The following SLC17A6 variants were observed in gnomAD, a reference collection of about 807,000 sequenced individuals.
SLC17A6 encodes the protein vesicular glutamate transporter 2.
In SLC17A6, 35 loss-of-function variants were observed where a neutral mutation model predicts 67.1. That is an observed-to-expected ratio of 0.52 (90% CI 0.40 to 0.69). The LOEUF (loss-of-function observed/expected upper bound fraction) is 0.69. Among genes scored for constraint, SLC17A6 ranks in the 30% least tolerant of loss-of-function variants. The probability of loss-of-function intolerance (pLI) is 0.00; values close to 1 mark genes in which losing one functional copy is unlikely to be tolerated. For missense variants in SLC17A6, 588 were observed against 723.9 expected, an observed-to-expected ratio of 0.81 and a Z score of 2.15; for synonymous variants, 285 against 252.3, an observed-to-expected ratio of 1.13 and a Z score of -1.23.
At chr11:22,375,862 G>A in intron 9 of SLC17A6, 120 bp from the exon 10 acceptor site, 1 of 579,858 alleles carries the variant, frequency 1.7e-6, no homozygotes. Context: ...TATTAGTTTT[G>A]AAGATAGACT....
intron 5 of SLC17A6, chr11:22,362,179 A>G: frequency 2.7e-6 from 1 of 369,998 alleles, no homozygotes; most frequent in Non-Finnish European, 5.3e-6. Flanking sequence ...CAGCAAAGAA[A>G]ACAAATTTGC....
intron 3 of SLC17A6, among the ~76,000 whole-genome samples, chr11:22,349,903 A>G (rs1306508396): frequency 1.3e-5 from 2 of 152,210 alleles, no homozygotes; most frequent in Non-Finnish European, 2.9e-5. Flanking sequence ...CCTCCAGGAA[A>G]GAATTAGTTC....
intron 1 of SLC17A6, among the ~76,000 whole-genome samples, chr11:22,339,588 C>T (rs1345616001): frequency 6.6e-6 from 1 of 151,866 alleles, no homozygotes. Context: ...ATAATTAGAG[C>T]AAAATCAAGA....
At chr11:22,363,909 G>A (rs1287528103) in intron 6 of SLC17A6, among the ~76,000 whole-genome samples, 1 of 152,134 alleles carries the variant, frequency 6.6e-6, no homozygotes, top group East Asian at 1.9e-4. Context: ...GTACAAGTTG[G>A]TATGGCTATC....
At chr11:22,340,311 G>A (rs1855800988) in intron 1 of SLC17A6, among the ~76,000 whole-genome samples, 1 of 152,202 alleles carries the variant, frequency 6.6e-6, no homozygotes, top group East Asian at 1.9e-4. Flanking sequence ...AAGGGGCTAC[G>A]TACAGAGATG....
chr11:22,343,944 G>T (rs1855848358), intron 3 of SLC17A6, among the ~76,000 whole-genome samples: 1 of 152,134 alleles, frequency 6.6e-6, no homozygotes. Context: ...GCTGCTTTCA[G>T]TGGCCTCCTG....
rs748904270 is a variant in SLC17A6 at position 22,365,645 on chromosome 11, G to T, written c.847G>T (p.Glu283Ter). ...TACAGATGAAGAACGTAGGTACATA[G>T]AAGAAAGCATTGGAGAGAGTGCAAA... Reference protein sequence around the residue: ...TITDEERRYIEESIGESANLL... With the variant: ...TITDEERRYI Residue 283 changes from glutamate to a stop codon, truncating the protein, a stop_gained, in exon 7 of 12, where the codon GAA (glutamate) becomes TAA (stop). Coordinates refer to ENST00000263160, the MANE Select transcript of SLC17A6 (RefSeq NM_020346.3). LOFTEE classifies it high-confidence loss of function. 6.2e-7 allele frequency: 1 copy of T among 1,613,886 alleles called. No homozygotes were observed. The highest frequency in any genetic ancestry group is 2.2e-5 in the East Asian group (1 of 44,846).
At chr11:22,366,295 G>T (rs1019856577) in intron 7 of SLC17A6, among the ~76,000 whole-genome samples, 2 of 151,528 alleles carry the variant, frequency 1.3e-5, no homozygotes, top group African/African-American at 4.9e-5. Context: ...ATATCTTATT[G>T]TACTGTACAA....
At chr11:22,357,382 A>C (rs1856003193) in intron 3 of SLC17A6, among the ~76,000 whole-genome samples, 1 of 152,208 alleles carries the variant, frequency 6.6e-6, no homozygotes. Flanking sequence ...TACTTGATTC[A>C]GCTTTACTAA....
chr11:22,353,347 C>CAAAA (rs1472607169), intron 3 of SLC17A6, among the ~76,000 whole-genome samples: 1 of 148,840 alleles, frequency 6.7e-6, no homozygotes, highest in Non-Finnish European at 1.5e-5. Context: ...ACAGTGTAAC[C>CAAAA]AAAACAAAAC....
At chr11:22,344,414 C>A (rs1303935522) in intron 3 of SLC17A6, among the ~76,000 whole-genome samples, 11 of 152,168 alleles carry the variant, frequency 7.2e-5, no homozygotes, top group African/African-American at 2.7e-4. Flanking sequence ...TTGTCAATTA[C>A]TATCCCTTTC....
chr11:22,345,590 T>C (rs916304390), intron 3 of SLC17A6, among the ~76,000 whole-genome samples: 5 of 152,172 alleles, frequency 3.3e-5, no homozygotes, highest in Non-Finnish European at 1.5e-5. Context: ...ATATGATATG[T>C]TATGTTCTAT....
chr11:22,351,128 C>T (rs1056364541), intron 3 of SLC17A6, among the ~76,000 whole-genome samples: 6 of 151,808 alleles, frequency 4.0e-5, no homozygotes, highest in East Asian at 1.9e-4. Context: ...TTTTACATTT[C>T]GGGAGGCAGG....
At chr11:22,376,434 C>T in intron 10 of SLC17A6, 111 bp from the exon 11 acceptor site, 2 of 1,157,996 alleles carry the variant, frequency 1.7e-6, no homozygotes, top group South Asian at 1.5e-5. Flanking sequence ...AGTAATTAAG[C>T]ACGTGTTCTG....
rs139615531 is a variant in SLC17A6 at position 22,369,235 on chromosome 11, A to G, written c.892-804A>G. 4.5e-3 allele frequency among the ~76,000 whole-genome samples: 680 copies of G among 152,102 alleles called. 1 individual carries two copies. The highest frequency in any genetic ancestry group is 7.9e-3 in the Non-Finnish European group (537 of 67,878). ...TGGCTAAAAATATTAGTCTTGGGGG[A>G]GAATATGTACTTGCTTACATTTTGG... On this transcript the variant is annotated intron_variant, in intron 7 of 11. Coordinates refer to ENST00000263160, the MANE Select transcript of SLC17A6 (RefSeq NM_020346.3).
chr11:22,347,288 G>A (rs1193009196), intron 3 of SLC17A6, among the ~76,000 whole-genome samples: 2 of 151,858 alleles, frequency 1.3e-5, no homozygotes, highest in Non-Finnish European at 2.9e-5. Context: ...CCAAACTGTA[G>A]GTTCAGGCTC....
At chr11:22,341,460 G>A in intron 1 of SLC17A6, 68 bp from the exon 2 acceptor site, 2 of 1,561,340 alleles carry the variant, frequency 1.3e-6, no homozygotes, top group Middle Eastern at 2.0e-4. Context: ...CCTGAAAAAT[G>A]GGAATGGGTC....
chr11:22,373,326 A>T (rs374407448), intron 8 of SLC17A6, among the ~76,000 whole-genome samples: 147 of 152,304 alleles, frequency 9.7e-4, no homozygotes, highest in African/African-American at 3.4e-3. Flanking sequence ...AAATCCTAAC[A>T]TAGTGTCTTT....
chr11:22,377,887 G>T lies in SLC17A6; in HGVS notation c.*147G>T. Reference sequence around the variant, plus strand: ...AAATGAAAACAAAACAAACCCATGAGGTTACCATCAAGTGCAATCTGTAAA... The same window carrying T: ...AAATGAAAACAAAACAAACCCATGATGTTACCATCAAGTGCAATCTGTAAA... On this transcript the variant is annotated 3_prime_UTR_variant, in exon 12 of 12. Coordinates refer to ENST00000263160, the MANE Select transcript of SLC17A6 (RefSeq NM_020346.3). 1.6e-6 allele frequency: 1 copy of T among 641,986 alleles called. No homozygotes were observed. The highest frequency in any genetic ancestry group is 2.4e-5 in the South Asian group (1 of 41,476). 39.8% of individuals were successfully genotyped at this position (641,986 alleles called of 1,614,324 possible). A position where few individuals can be genotyped will look rare whatever the true frequency, so the allele number is the denominator to read the frequency against.
Sources: allele counts gnomAD v4.1 joint callset (sites outside exome capture counted in the v4.1 genomes callset), GRCh38; gene constraint gnomAD v4.1.1; transcripts MANE v1.5; gene names NCBI Gene and HGNC (gene_info 2026-07-23, HGNC 2026-07-21).